The following DACT2 variants were observed in gnomAD, a reference collection of about 807,000 sequenced individuals.
The protein encoded by DACT2 is dapper homolog 2.
A neutral mutation model predicts 22.2 loss-of-function variants in DACT2; 20 were observed. That is an observed-to-expected ratio of 0.90 (90% CI 0.63 to 1.31). The LOEUF (loss-of-function observed/expected upper bound fraction) is 1.31. Among genes scored for constraint, DACT2 ranks in the 50% most tolerant of loss-of-function variants. The pLI, the probability that DACT2 is intolerant of heterozygous loss-of-function variation, is 0.00. For synonymous variants in DACT2, 463 were observed against 479.8 expected (o/e 0.96, Z 0.46); for missense variants, 1,048 against 1,061.4 (o/e 0.99, Z 0.18).
intron 1 of DACT2, among the ~76,000 whole-genome samples, chr6:168,314,759 A>G (rs1779505445): frequency 1.3e-5 from 2 of 152,190 alleles, no homozygotes; most frequent in South Asian, 4.1e-4. Flanking sequence ...TCTATCCCTG[A>G]GAGCTAGGAT....
chr6:168,302,810 C>G (rs1257352128), downstream of DACT2, among the ~76,000 whole-genome samples: 1 of 152,188 alleles, frequency 6.6e-6, no homozygotes, highest in African/African-American at 2.4e-5. Context: ...TTTCACCAGA[C>G]AAGCCCCCTT....
chr6:168,302,484 C>T (rs571427330), downstream of DACT2, among the ~76,000 whole-genome samples: 33 of 152,330 alleles, frequency 2.2e-4, no homozygotes, highest in Non-Finnish European at 4.4e-4. Flanking sequence ...GCATTTTCTA[C>T]TCCAGGCCAT....
At chr6:168,301,458 C>T (rs567357334) in intron 3 of DACT2, among the ~76,000 whole-genome samples, 4 of 152,328 alleles carry the variant, frequency 2.6e-5, no homozygotes, top group Admixed American at 6.5e-5. Flanking sequence ...GCCAGTGGCC[C>T]GGTCAGGCTC....
chr6:168,314,744 T>G (rs1779505337), intron 1 of DACT2, among the ~76,000 whole-genome samples: 1 of 152,086 alleles, frequency 6.6e-6, no homozygotes, highest in Non-Finnish European at 1.5e-5. Flanking sequence ...CTGAAACACC[T>G]CCTTTCTATC....
chr6:168,308,595 C>G lies in DACT2; in HGVS notation c.1162G>C (p.Asp388His). 1 of 1,546,124 alleles carries G rather than the reference C, an allele frequency of 6.5e-7. No individual in the cohort carries two copies. The highest frequency in any genetic ancestry group is 1.2e-5 in the South Asian group (1 of 84,028). ...RLLVFAPGRE[D>H]EGGPAQSRGA... ...CTGCTCTGAGCTGGCCCTCCCTCGT[C>G]CTCCCTCCCTGGGGCGAAGACCAGC... The change falls in exon 4 of 4, where the codon GAC (aspartate) becomes CAC (histidine). Residue 388 changes from aspartate (D) to histidine (H), a missense_variant. By Grantham distance (81) the Asp-to-His change is moderately conservative. Coordinates refer to ENST00000366795, the MANE Select transcript of DACT2 (RefSeq NM_214462.5).
downstream of DACT2, chr6:168,302,053 C>A (rs533979109): frequency 6.5e-6 from 1 of 153,252 alleles, no homozygotes; most frequent in South Asian, 2.1e-4. Flanking sequence ...CAGCTCCTCA[C>A]TGCCCAGCTT....
At chr6:168,302,713 G>A (rs915578530), downstream of DACT2, among the ~76,000 whole-genome samples, 2 of 152,288 alleles carry the variant, frequency 1.3e-5, no homozygotes, top group South Asian at 2.1e-4. Context: ...TGTCTGCACC[G>A]CCCAACCTTG....
chr6:168,294,497 G>T, intron 4 of DACT2: 1 of 628,600 alleles, frequency 1.6e-6, no homozygotes, highest in Non-Finnish European at 2.7e-6. Flanking sequence ...AGGCCCCGGT[G>T]TGTGATGTTC....
Position 168,308,651 on chromosome 6 carries a change from C to G in DACT2, c.1106G>C (p.Gly369Ala), listed in dbSNP as rs367909442. The change falls in exon 4 of 4, where the codon GGT becomes GCT. Residue 369 changes from glycine (G) to alanine (A), a missense_variant. Transcript: ENST00000366795. ...HAASPSPQRQGGWSTDGGGRL... is the reference protein window; with the variant it reads ...HAASPSPQRQAGWSTDGGGRL... ...CCCTCCACCGTCTGTACTCCAGCCA[C>G]CCTGCCTCTGTGGAGATGGGGACGC... 1.6e-5 allele frequency: 24 copies of G among 1,544,604 alleles called. No individual in the cohort carries two copies. Among genetic ancestry groups the G allele is most frequent in the Middle Eastern group, 3.3e-4 (2 of 5,992 alleles).
intron 3 of DACT2, chr6:168,298,893 T>C (rs956008581): frequency 3.3e-5 from 5 of 152,070 alleles, no homozygotes; most frequent in African/African-American, 4.8e-5. Context: ...AGATATAAAA[T>C]ACCCACAATA....
rs78695494 is a variant in DACT2, at chr6:168,307,636, G to A, written c.2121C>T (p.Gly707=). 7,494 of 1,547,220 alleles carry A rather than the reference G, an allele frequency of 4.8e-3. 255 individuals are homozygous for A. In the East Asian group the frequency reaches 0.098, roughly 20 times the overall value. The part of the protein sequence containing the change: ...RESSSSDEEG[G]AQSRDCDLAL... ...CCAGGTCACAGTCCCTGCTCTGGGCGCCGCCCTCCTCGTCGCTGCTGCTGG... is the reference window on the plus strand; with the variant it reads ...CCAGGTCACAGTCCCTGCTCTGGGCACCGCCCTCCTCGTCGCTGCTGCTGG... The change falls in exon 4 of 4, where the codon GGC becomes GGT. Residue 707 remains glycine, a synonymous_variant. Coordinates refer to ENST00000366795, the MANE Select transcript of DACT2 (RefSeq NM_214462.5). The surrounding 1 kb of genome is among the most constrained non-coding windows in gnomAD (Gnocchi z 5.3).
At position 168,319,611 on chromosome 6, in the gene DACT2, G is replaced by T; in HGVS notation, c.23C>A (p.Pro8Gln). The change falls in exon 1 of 4, where the codon CCG (proline) becomes CAG (glutamine). Residue 8 changes from proline (P) to glutamine (Q), a missense_variant. Transcript: ENST00000366795. Reference sequence around the variant, plus strand: ...ACGGCGGTCCCAGCCCGCGGACCCCGGGGGTCCGCCCGGCGTCCACATCTC... The same window carrying T: ...ACGGCGGTCCCAGCCCGCGGACCCCTGGGGTCCGCCCGGCGTCCACATCTC... MWTPGGP[P>Q]GSAGWDRRRL... is the part of the protein sequence containing the mutation. 3 of 1,314,196 alleles carry T rather than the reference G, an allele frequency of 2.3e-6. No homozygotes were observed. Among genetic ancestry groups the T allele is most frequent in the Non-Finnish European group, 2.9e-6 (3 of 1,029,778 alleles). The allele number at this position is 1,314,196 out of a possible 1,614,324, so 81.4% of individuals were successfully genotyped here.
chr6:168,302,132 C>G (rs1014067980), downstream of DACT2: 33 of 152,324 alleles, frequency 2.2e-4, no homozygotes, highest in Admixed American at 1.6e-3. Context: ...GGCCCAGTGT[C>G]AGGTAGGACT....
chr6:168,294,919 G>A (rs1416799512), intron 3 of DACT2, among the ~76,000 whole-genome samples: 1 of 152,146 alleles, frequency 6.6e-6, no homozygotes, highest in African/African-American at 2.4e-5. Context: ...TACACATCCT[G>A]ACAAGTTGAG....
Position 168,294,667 on chromosome 6 carries a change from A to AGCAT in DACT2, c.692_695dup (p.Pro233CysfsTer122). 1.3e-6 allele frequency: 2 copies of AGCAT among 1,495,976 alleles called. No homozygotes were observed. Among genetic ancestry groups the AGCAT allele is most frequent in the Non-Finnish European group, 1.8e-6 (2 of 1,128,518 alleles). 92.7% of individuals were successfully genotyped at this position (1,495,976 alleles called of 1,614,324 possible). On this transcript the variant is annotated frameshift_variant, in exon 4 of 6. Transcript: ENST00000366796. LOFTEE classifies it high-confidence loss of function. The stretch of plus-strand genomic sequence containing the variant: ...AACTGGAGGTGCAGCCTGCAGGCGG[A>AGCAT]GCATGCATGTCAAGTTCACCTGGAG...
intron 3 of DACT2, among the ~76,000 whole-genome samples, chr6:168,295,203 G>A (rs1328869075): frequency 6.6e-6 from 1 of 152,206 alleles, no homozygotes; most frequent in Non-Finnish European, 1.5e-5. Context: ...TGAATTCACA[G>A]CTCAATATTG....
At position 168,307,232 on chromosome 6, in the gene DACT2, C is replaced by A. The variant is rs1032719849; in HGVS notation, c.*200G>T. On this transcript the variant is annotated 3_prime_UTR_variant, in exon 4 of 4. Coordinates refer to ENST00000366795, the MANE Select transcript of DACT2 (RefSeq NM_214462.5). The surrounding 1 kb of genome is among the most constrained non-coding windows in gnomAD (Gnocchi z 5.3). ...CTGCTGGCATCTGAAACCAGAGCTC[C>A]GCATGGAAGTCTTTGCTGGGGCGGG... 35 of 1,412,094 alleles carry A rather than the reference C, an allele frequency of 2.5e-5. No homozygotes were observed. Among genetic ancestry groups the A allele is most frequent in the Non-Finnish European group, 3.0e-5 (33 of 1,088,438 alleles). 87.5% of individuals were successfully genotyped at this position (1,412,094 alleles called of 1,614,324 possible).
chr6:168,293,791 G>GT, exon 6 of DACT2: 2 of 694,574 alleles, frequency 2.9e-6, no homozygotes, highest in Middle Eastern at 3.3e-4. Context: ...GGGCAGAGGG[G>GT]GGCCGATGAT....
chr6:168,307,293 T>C lies in DACT2; in HGVS notation c.*139A>G. On this transcript the variant is annotated 3_prime_UTR_variant, in exon 4 of 4. Transcript: ENST00000366795. This position sits in a 1 kb window ranked among gnomAD's most constrained non-coding sequence, Gnocchi z 5.3. Reference sequence around the variant, plus strand: ...CATACTCCACAGGGCAGAACCCATCTGCGGGGACTCCTGTTAAACGGTGGC... The same window carrying C: ...CATACTCCACAGGGCAGAACCCATCCGCGGGGACTCCTGTTAAACGGTGGC... 6.8e-7 allele frequency: 1 copy of C among 1,467,932 alleles called. No individual in the cohort carries two copies. Among genetic ancestry groups the C allele is most frequent in the Non-Finnish European group, 9.0e-7 (1 of 1,111,486 alleles). 90.9% of individuals were successfully genotyped at this position (1,467,932 alleles called of 1,614,324 possible).
Sources: allele counts gnomAD v4.1 joint callset (sites outside exome capture counted in the v4.1 genomes callset), GRCh38; gene constraint gnomAD v4.1.1; non-coding constraint Gnocchi (gnomAD v3.1); transcripts MANE v1.5; gene names NCBI Gene and HGNC (gene_info 2026-07-23, HGNC 2026-07-21).